The following ABCA7 variants were observed in gnomAD, a reference collection of about 807,000 sequenced individuals.
The protein encoded by ABCA7 is phospholipid-transporting ATPase ABCA7.
In ABCA7, 261 loss-of-function variants were observed where a neutral mutation model predicts 227.6. The ratio of observed to expected loss-of-function variants is 1.15; its 90% CI spans 1.04 to 1.27. The LOEUF is 1.27. Ranked by LOEUF, ABCA7 falls within the 50% of genes most tolerant of loss-of-function variation. The pLI is 0.00. For synonymous variants in ABCA7, 1,488 were observed against 1,279.7 expected, an observed-to-expected ratio of 1.16 and a Z score of -3.47; for missense variants, 3,331 against 2,924.5, an observed-to-expected ratio of 1.14 and a Z score of -3.21.
chr19:1,047,466 C>G lies in ABCA7; in HGVS notation c.2081C>G (p.Pro694Arg). The G allele has an allele frequency of 6.4e-7, 1 of 1,553,906 alleles. No homozygotes were observed. The highest frequency in any genetic ancestry group is 8.7e-7 in the Non-Finnish European group (1 of 1,153,960). ...GCTTTTCCGCAGAGCCTGCTGTCGC[C>G]CGTGGCCTTCGGCTTCGGCTGCGAG... ...GGRVAASLLS[P>R]VAFGFGCESL... The change falls in exon 16 of 47, where the codon CCC becomes CGC. Residue 694 changes from proline to arginine, a missense_variant. Coordinates refer to ENST00000263094, the MANE Select transcript of ABCA7 (RefSeq NM_019112.4).
chr19:1,049,213 C>T, intron 17 of ABCA7, 53 bp from the exon 18 acceptor site: 1 of 1,532,890 alleles, frequency 6.5e-7, no homozygotes, highest in Non-Finnish European at 8.8e-7. Flanking sequence ...GAGGGACTTG[C>T]AGGCCCCAGG....
chr19:1,063,827 T>A lies in ABCA7; in HGVS notation c.5915T>A (p.Val1972Glu). The stretch of plus-strand genomic sequence containing the variant: ...CTTTGGAACAGCCTTTTGGCCGTGG[T>A]GCGGGAGGGCCGTTCAGTGATGCTC... ...RFLWNSLLAV[V>E]REGRSVMLTS... is the part of the protein sequence containing the mutation. The change falls in exon 44 of 47, where the codon GTG (valine) becomes GAG (glutamate). Residue 1972 changes from valine (V) to glutamate (E), a missense_variant. Val to Glu is a moderately radical substitution (Grantham distance 121). Coordinates refer to ENST00000263094, the MANE Select transcript of ABCA7 (RefSeq NM_019112.4). 6.5e-7 allele frequency: 1 copy of A among 1,543,370 alleles called. No individual in the cohort carries two copies. Among genetic ancestry groups the A allele is most frequent in the Non-Finnish European group, 8.7e-7 (1 of 1,144,960 alleles).
At position 1,056,127 on chromosome 19, in the gene ABCA7, C is replaced by G; in HGVS notation, c.4300C>G (p.Arg1434Gly). 2 of 1,609,508 alleles carry G rather than the reference C, an allele frequency of 1.2e-6. No individual in the cohort carries two copies. The highest frequency in any genetic ancestry group is 1.7e-6 in the Non-Finnish European group (2 of 1,179,068). The change falls in exon 32 of 47, where the codon CGC becomes GGC. Residue 1434 changes from arginine to glycine, a missense_variant. Arg to Gly is a moderately radical substitution (Grantham distance 125). Transcript: ENST00000263094. This position sits in a 1 kb window ranked among gnomAD's most constrained non-coding sequence, Gnocchi z 4.3. ...CCTGCCCTCGGGCCAAGAGTTGGGC[C>G]GCTCAGTGGAGGAGTTGTGGGCGCT... ...PGLPSGQELG[R>G]SVEELWALLS... is the part of the protein sequence containing the mutation.
intron 6 of ABCA7, 96 bp downstream of exon 6, chr19:1,042,493 A>G: frequency 6.9e-7 from 1 of 1,444,252 alleles, no homozygotes; most frequent in Non-Finnish European, 9.6e-7. Context: ...CTCCCGTTCC[A>G]GGCATCCAGG....
chr19:1,058,234 G>C lies in ABCA7; in HGVS notation c.5114G>C (p.Arg1705Pro), dbSNP rs756673125. Residue 1705 changes from arginine to proline, a missense_variant, in exon 37 of 47, where the codon CGG (arginine) becomes CCG (proline). Transcript: ENST00000263094. ...CLGRGLIDMVRNQAMADAFER... is the reference protein window; with the variant it reads ...CLGRGLIDMVPNQAMADAFER... ...GGCCGGGGGCTCATTGACATGGTGC[G>C]GAACCAGGCCATGGCTGATGCCTTT... 1 of 1,613,474 alleles carries C rather than the reference G, an allele frequency of 6.2e-7. No individual in the cohort carries two copies. Among genetic ancestry groups the C allele is most frequent in the African/African-American group, 1.3e-5 (1 of 74,776 alleles).
In ABCA7 at chr19:1,058,257, T is replaced by C; in HGVS notation, c.5137T>C (p.Phe1713Leu). 6.2e-7 allele frequency: 1 copy of C among 1,613,346 alleles called. No homozygotes were observed. Among genetic ancestry groups the C allele is most frequent in the South Asian group, 1.1e-5 (1 of 91,052 alleles). ...MVRNQAMADA[F>L]ERLGDRQFQS... ...GCGGAACCAGGCCATGGCTGATGCC[T>C]TTGAGCGCTTGGGTGAGAACTTCCT... Residue 1713 changes from phenylalanine to leucine, a missense_variant, in exon 37 of 47, where the codon TTT becomes CTT. Physicochemically the swap from Phe to Leu is conservative, Grantham distance 22 (BLOSUM62 0). Transcript: ENST00000263094.
chr19:1,061,528 C>T (rs1008745396), intron 40 of ABCA7, among the ~76,000 whole-genome samples: 1 of 134,572 alleles, frequency 7.4e-6, no homozygotes, highest in Non-Finnish European at 1.7e-5. Context: ...AACCCCATCT[C>T]TACTAAAAAA....
At chr19:1,045,765 C>T (rs1030133967) in intron 12 of ABCA7, 1 of 163,056 alleles carries the variant, frequency 6.1e-6, no homozygotes, top group African/African-American at 2.5e-5. Flanking sequence ...CTTTGGGAGG[C>T]TGAGGCGGGC....
intron 6 of ABCA7, 26 bp from the exon 7 acceptor site, chr19:1,042,720 G>A (rs750795753): frequency 9.3e-6 from 15 of 1,610,298 alleles, no homozygotes; most frequent in Non-Finnish European, 1.1e-5. Flanking sequence ...CAAAATCATT[G>A]TCCCCCTTGT....
intron 3 of ABCA7, 40 bp from the exon 4 acceptor site, chr19:1,041,791 C>T (rs1431719069): frequency 6.3e-7 from 1 of 1,598,256 alleles, no homozygotes. Context: ...TGGAGTCAGG[C>T]AGAGTCCACA....
chr19:1,053,266 C>T lies in ABCA7; in HGVS notation c.3221-63C>T, dbSNP rs949048746. 3.3e-6 allele frequency: 5 copies of T among 1,525,314 alleles called. No homozygotes were observed. The East Asian group carries it at 9.3e-5, about 29-fold the overall frequency. 94.5% of individuals were successfully genotyped at this position (1,525,314 alleles called of 1,614,324 possible). On this transcript the variant is annotated intron_variant, in intron 23 of 46. Coordinates refer to ENST00000263094, the MANE Select transcript of ABCA7 (RefSeq NM_019112.4). Reference sequence around the variant, plus strand: ...CCCTCACAGGTCACCAATGCCTCTTCCCCAGGGAGACTGGGGTGGGGCGTG... The same window carrying T: ...CCCTCACAGGTCACCAATGCCTCTTTCCCAGGGAGACTGGGGTGGGGCGTG...
At chr19:1,051,621 A>G in intron 21 of ABCA7, 35 bp downstream of exon 21, 1 of 1,588,232 alleles carries the variant, frequency 6.3e-7, no homozygotes, top group Non-Finnish European at 8.6e-7. Context: ...GGGGCCAGAA[A>G]AGGCTTCTGA....
At chr19:1,050,587 T>C (rs539255449) in intron 18 of ABCA7, among the ~76,000 whole-genome samples, 9 of 150,958 alleles carry the variant, frequency 6.0e-5, no homozygotes, top group South Asian at 2.1e-4. Context: ...CTGGCTAACA[T>C]GGTGAAACAG....
chr19:1,051,006 C>T lies in ABCA7; in HGVS notation c.2638C>T (p.Arg880Trp), dbSNP rs866064750. The change falls in exon 19 of 47, where the codon CGG becomes TGG. Residue 880 changes from arginine (R) to tryptophan (W), a missense_variant. Coordinates refer to ENST00000263094, the MANE Select transcript of ABCA7 (RefSeq NM_019112.4). ...HDVRSSMAAI[R>W]PHLGVCPQYN... is the part of the protein sequence containing the mutation. Reference sequence around the variant, plus strand: ...CGTCCGCTCCAGCATGGCCGCCATCCGGCCCCACCTGGGCGTCTGTCCTCA... The same window carrying T: ...CGTCCGCTCCAGCATGGCCGCCATCTGGCCCCACCTGGGCGTCTGTCCTCA... 2.0e-5 allele frequency: 33 copies of T among 1,612,144 alleles called. No individual in the cohort carries two copies. Among genetic ancestry groups the T allele is most frequent in the Admixed American group, 6.7e-5 (4 of 59,950 alleles).
rs1555699222 is a variant in ABCA7 at position 1,060,208 on chromosome 19, T to TATATATATATATATATATATATATA, written c.5463+1123_5463+1124insATATATATATATATATATATATATA. Among the ~76,000 whole-genome samples the TATATATATATATATATATATATATA allele has an allele frequency of 3.4e-4, 40 of 118,726 alleles. 1 individual carries two copies. The highest frequency in any genetic ancestry group is 1.5e-3 in the African/African-American group (40 of 25,974). The allele number at this position is 118,726 out of a possible 152,430, so 77.9% of individuals were successfully genotyped here. A position where few individuals can be genotyped will look rare whatever the true frequency, so the allele number is the denominator to read the frequency against. On this transcript the variant is annotated intron_variant, in intron 40 of 46. Coordinates refer to ENST00000263094, the MANE Select transcript of ABCA7 (RefSeq NM_019112.4). Reference sequence around the variant, plus strand: ...GCACACATTGCAGTATATATATATATTTTTTTTTCTTTTTTTTTCTTTTGA... The same window carrying TATATATATATATATATATATATATA: ...GCACACATTGCAGTATATATATATATATATATATATATATATATATATATATTTTTTTTCTTTTTTTTTCTTTTGA...
intron 22 of ABCA7, 39 bp from the exon 23 acceptor site, chr19:1,052,175 C>A: frequency 6.2e-7 from 1 of 1,600,390 alleles, no homozygotes; most frequent in Non-Finnish European, 8.5e-7. Flanking sequence ...CTCTGTTCAG[C>A]CCTGAAGGCC....
Position 1,064,956 on chromosome 19 carries a change from C to T in ABCA7, c.6070C>T (p.Leu2024=). The T allele has an allele frequency of 6.5e-7, 1 of 1,542,560 alleles. No individual in the cohort carries two copies. Among genetic ancestry groups the T allele is most frequent in the Non-Finnish European group, 8.7e-7 (1 of 1,145,350 alleles). The change falls in exon 46 of 47, where the codon CTG becomes TTG. Residue 2024 remains leucine, a synonymous_variant. Coordinates refer to ENST00000263094, the MANE Select transcript of ABCA7 (RefSeq NM_019112.4). Reference sequence around the variant, plus strand: ...ATTCGCGGCGGGTCACACACTGACCCTGCGGGTGCCCGCCGCAAGGTCCCA... The same window carrying T: ...ATTCGCGGCGGGTCACACACTGACCTTGCGGGTGCCCGCCGCAAGGTCCCA... ...GRFAAGHTLT[L]RVPAARSQPA... is the part of the protein sequence containing the mutation.
chr19:1,041,619 G>C lies in ABCA7; in HGVS notation c.160+16G>C. The C allele has an allele frequency of 6.2e-7, 1 of 1,609,346 alleles. No homozygotes were observed. The highest frequency in any genetic ancestry group is 8.5e-7 in the Non-Finnish European group (1 of 1,179,180). ...CACCATGAATGTGAGCCCCCCCAGG[G>C]ACCAGGCACTTTGTGTGTGTAGGGG... On this transcript the variant is annotated intron_variant, in intron 3 of 46. Transcript: ENST00000263094.
intron 17 of ABCA7, 27 bp from the exon 18 acceptor site, chr19:1,049,239 A>T (rs766267390): frequency 6.4e-6 from 10 of 1,572,704 alleles, no homozygotes; most frequent in Non-Finnish European, 8.7e-6. Flanking sequence ...CATGACCTCC[A>T]TGGCTGAGTC....
Sources: gnomAD v4.1 joint callset for allele counts (sites outside exome capture counted in the v4.1 genomes callset) on GRCh38, gnomAD v4.1.1 for gene constraint, Gnocchi (gnomAD v3.1) non-coding constraint, MANE v1.5 for transcripts, NCBI Gene and HGNC (gene_info 2026-07-23, HGNC 2026-07-21) for gene names.